The following SLC9D1 variants were observed in gnomAD, a reference collection of about 807,000 sequenced individuals.
SLC9D1 encodes putative LAG1-interacting protein.
the SLC9D1 span, chr13:113,500,158 T>C: frequency 1.4e-6 from 2 of 1,414,772 alleles, no homozygotes; most frequent in Non-Finnish European, 1.9e-6. Flanking sequence ...AGGTAGTGAG[T>C]CATGGTGGGG....
chr13:113,539,728 CT>C, the SLC9D1 span, among the ~76,000 whole-genome samples: 36 of 152,142 alleles, frequency 2.4e-4, no homozygotes, highest in Non-Finnish European at 8.8e-5. This position sits in a 1 kb window ranked among gnomAD's most constrained non-coding sequence, Gnocchi z 4.8. Context: ...TTCTGTCCAG[CT>C]TTTCCTTTAG....
the SLC9D1 span, among the ~76,000 whole-genome samples, chr13:113,538,869 G>A: frequency 6.6e-6 from 1 of 152,234 alleles, no homozygotes; most frequent in African/African-American, 2.4e-5. Context: ...CGCTGATGTG[G>A]CTGCAAACCT....
At chr13:113,510,103 A>G in the SLC9D1 span, 1 of 763,662 alleles carries the variant, frequency 1.3e-6, no homozygotes, top group African/African-American at 1.7e-5. Context: ...CCATGTTCAG[A>G]TGGTGACCCC....
At chr13:113,547,468 G>C in the SLC9D1 span, 19 of 1,093,056 alleles carry the variant, frequency 1.7e-5, no homozygotes, top group Non-Finnish European at 2.7e-5. Context: ...GGCCCACATC[G>C]GGCCTGCAGA....
chr13:113,516,245 T>G, the SLC9D1 span, among the ~76,000 whole-genome samples: 1 of 152,128 alleles, frequency 6.6e-6, no homozygotes, highest in African/African-American at 2.4e-5. Flanking sequence ...TTTCTACTTT[T>G]GCATATGCTT....
At chr13:113,521,383 A>G in the SLC9D1 span, among the ~76,000 whole-genome samples, 1 of 136,948 alleles carries the variant, frequency 7.3e-6, no homozygotes, top group South Asian at 2.2e-4. Flanking sequence ...GTGTGTGTGT[A>G]TGAGAGCTAT....
At chr13:113,509,071 C>CT in the SLC9D1 span, among the ~76,000 whole-genome samples, 1 of 121,206 alleles carries the variant, frequency 8.3e-6, no homozygotes. Context: ...GGCTGGTGGG[C>CT]TTGGCGGGTG....
the SLC9D1 span, among the ~76,000 whole-genome samples, chr13:113,531,615 G>T: frequency 2.7e-5 from 4 of 149,658 alleles, no homozygotes; most frequent in Non-Finnish European, 5.9e-5. Flanking sequence ...GTGTGGACCT[G>T]CAGGTGGCAC....
chr13:113,513,427 A>G, the SLC9D1 span, among the ~76,000 whole-genome samples: 15 of 152,190 alleles, frequency 9.9e-5, no homozygotes, highest in African/African-American at 3.6e-4. Context: ...TTAGTCAGTT[A>G]TGACTGTTAG....
chr13:113,509,440 CT>C, the SLC9D1 span, among the ~76,000 whole-genome samples: 12 of 121,220 alleles, frequency 9.9e-5, no homozygotes, highest in South Asian at 2.4e-4. Context: ...TGGGTCCCCC[CT>C]GGAGCTGCCT....
At chr13:113,529,970 C>T in the SLC9D1 span, 7 of 152,306 alleles carry the variant, frequency 4.6e-5, no homozygotes, top group Middle Eastern at 3.4e-3. Context: ...GTATTAAGAA[C>T]TCAAATGTCA....
the SLC9D1 span, among the ~76,000 whole-genome samples, chr13:113,512,501 G>T: frequency 2.0e-5 from 3 of 151,120 alleles, no homozygotes; most frequent in East Asian, 5.9e-4. Context: ...GATGGAGAAG[G>T]TTGGAGTGTA....
At chr13:113,500,565 A>G in the SLC9D1 span, among the ~76,000 whole-genome samples, 1 of 152,328 alleles carries the variant, frequency 6.6e-6, no homozygotes, top group East Asian at 1.9e-4. Flanking sequence ...CTGGCGTTCC[A>G]GATGGAACTG....
chr13:113,547,511 A>T, the SLC9D1 span: 25 of 683,614 alleles, frequency 3.7e-5, no homozygotes, highest in Admixed American at 1.1e-4. Flanking sequence ...GAGGAGGCCC[A>T]CTGGGCCACT....
At chr13:113,492,083 G>T in the SLC9D1 span, among the ~76,000 whole-genome samples, 1 of 152,100 alleles carries the variant, frequency 6.6e-6, no homozygotes, top group Admixed American at 6.5e-5. Flanking sequence ...AGGCTCAAGC[G>T]ATTCTCCCGC....
the SLC9D1 span, among the ~76,000 whole-genome samples, chr13:113,544,476 T>C: frequency 5.3e-5 from 8 of 152,380 alleles, no homozygotes; most frequent in African/African-American, 1.9e-4. Context: ...GCCCAAGGCC[T>C]GCTCACCACC....
At chr13:113,523,597 T>C in the SLC9D1 span, among the ~76,000 whole-genome samples, 1 of 152,346 alleles carries the variant, frequency 6.6e-6, no homozygotes, top group African/African-American at 2.4e-5. Flanking sequence ...CCTTGTTTTA[T>C]TGATTTTCTT....
the SLC9D1 span, among the ~76,000 whole-genome samples, chr13:113,545,321 C>T: frequency 6.6e-6 from 1 of 152,156 alleles, no homozygotes; most frequent in Admixed American, 6.5e-5. Flanking sequence ...GAATGTGGTG[C>T]TCCTGGGTGC....
chr13:113,500,988 A>G, the SLC9D1 span, among the ~76,000 whole-genome samples: 1 of 152,044 alleles, frequency 6.6e-6, no homozygotes. Flanking sequence ...CCAGGGAGAG[A>G]TTTTGAGACT....
Sources: gnomAD v4.1 joint callset for allele counts (sites outside exome capture counted in the v4.1 genomes callset) on GRCh38, gnomAD v4.1.1 for gene constraint, Gnocchi (gnomAD v3.1) non-coding constraint, MANE v1.5 for transcripts, NCBI Gene and HGNC (gene_info 2026-07-23, HGNC 2026-07-21) for gene names.